Variants in NDUFAF7 observed in about 807,000 individuals in gnomAD.
NDUFAF7 encodes NADH:ubiquinone oxidoreductase complex assembly factor 7.
Under a neutral mutation model 47.2 loss-of-function variants are expected in NDUFAF7, and 48 were observed. The observed-to-expected ratio is 1.02, with a 90% confidence interval of 0.81 to 1.29. NDUFAF7 has a LOEUF of 1.29. NDUFAF7 is among the 50% of genes most tolerant of loss of function. NDUFAF7 has a pLI of 0.00. For missense variants in NDUFAF7, 635 were observed against 537.6 expected, an observed-to-expected ratio of 1.18 and a Z score of -1.79; for synonymous variants, 217 against 190.0, an observed-to-expected ratio of 1.14 and a Z score of -1.17.
intron 1 of NDUFAF7, 80 bp downstream of exon 1, chr2:37,231,840 C>A: frequency 6.2e-7 from 1 of 1,601,200 alleles, no homozygotes. Flanking sequence ...TTGAGGGTAC[C>A]GGGGGATCAA....
chr2:37,253,835 A>T (rs1558518205), downstream of NDUFAF7, among the ~76,000 whole-genome samples: 1 of 152,248 alleles, frequency 6.6e-6, no homozygotes, highest in Non-Finnish European at 1.5e-5. Flanking sequence ...TGATAAATCT[A>T]TAAAGTAACT....
At chr2:37,231,968 G>A in intron 1 of NDUFAF7, 138 bp from the exon 2 acceptor site, 1 of 1,599,666 alleles carries the variant, frequency 6.3e-7, no homozygotes. Context: ...CCCCGTGGGC[G>A]TGCTAAGCAC....
chr2:37,267,346 TAAAA>T, the NDUFAF7 span: 69 of 784,536 alleles, frequency 8.8e-5, no homozygotes, highest in Admixed American at 1.3e-4. Context: ...TTTGCCTTCT[TAAAA>T]AAAAAAAAAA....
chr2:37,269,374 CAAG>C, the NDUFAF7 span: 1 of 495,478 alleles, frequency 2.0e-6, no homozygotes. Context: ...GTGTGAGCTA[CAAG>C]AAGAGATAAA....
chr2:37,270,014 GGTT>G, the NDUFAF7 span, among the ~76,000 whole-genome samples: 1 of 152,138 alleles, frequency 6.6e-6, no homozygotes, highest in Non-Finnish European at 1.5e-5. Context: ...GATCACCTGA[GGTT>G]GTGTGTTCCA....
At chr2:37,237,635 C>A (rs1276958047) in intron 3 of NDUFAF7, 122 bp from the exon 4 acceptor site, 2 of 715,708 alleles carry the variant, frequency 2.8e-6, no homozygotes, top group Non-Finnish European at 4.9e-6. Flanking sequence ...GAACAACATA[C>A]ATATGGCTGT....
chr2:37,255,457 G>C (rs1163533204), downstream of NDUFAF7, among the ~76,000 whole-genome samples: 5 of 152,158 alleles, frequency 3.3e-5, no homozygotes, highest in Admixed American at 6.5e-5. Flanking sequence ...GCAGACTAAA[G>C]AGGGCCAGCC....
Position 37,246,436 on chromosome 2 carries a change from T to C in NDUFAF7, c.936+241T>C, listed in dbSNP as rs78730277. The stretch of plus-strand genomic sequence containing the variant: ...CATTCTTCCTTAGTTGTAGAACCTA[T>C]GTTTATATAAATCCAGATAAGCAGC... On this transcript the variant is annotated intron_variant, in intron 8 of 9. Transcript: ENST00000002125. Among the ~76,000 whole-genome samples the C allele has an allele frequency of 9.8e-3, 1,486 of 152,318 alleles. 24 individuals are homozygous for C. The highest frequency in any genetic ancestry group is 0.032 in the African/African-American group (1,341 of 41,562).
chr2:37,245,917 T>C (rs986423530), intron 7 of NDUFAF7, 135 bp from the exon 8 acceptor site: 24 of 974,436 alleles, frequency 2.5e-5, no homozygotes, highest in Non-Finnish European at 3.5e-5. Flanking sequence ...AAGTTGAGTG[T>C]AGAGAACATA....
chr2:37,254,817 T>C (rs2300894), downstream of NDUFAF7, among the ~76,000 whole-genome samples: 17,832 of 152,200 alleles, frequency 0.12, 1,456 homozygotes, highest in East Asian at 0.34. Context: ...TATGGTCACA[T>C]TGAGGTGGTA....
intron 2 of NDUFAF7, among the ~76,000 whole-genome samples, 191 bp from the exon 3 acceptor site, chr2:37,235,905 G>A (rs577806509): frequency 2.6e-5 from 4 of 152,012 alleles, no homozygotes; most frequent in South Asian, 2.1e-4. Context: ...TGATCCACCC[G>A]TCTCGGCCTC....
At chr2:37,241,979 G>A (rs1666398767) in intron 5 of NDUFAF7, 188 bp downstream of exon 5, 2 of 599,398 alleles carry the variant, frequency 3.3e-6, no homozygotes, top group African/African-American at 1.9e-5. Flanking sequence ...CTGACATTAA[G>A]TAGTAGTTTA....
chr2:37,256,888 T>C, downstream of NDUFAF7: 1 of 1,614,088 alleles, frequency 6.2e-7, no homozygotes, highest in Non-Finnish European at 8.5e-7. Context: ...TGAATGACTT[T>C]TCACCAATGA....
intron 4 of NDUFAF7, among the ~76,000 whole-genome samples, chr2:37,240,466 G>A (rs916268033): frequency 6.6e-6 from 1 of 151,028 alleles, no homozygotes; most frequent in African/African-American, 2.4e-5. Flanking sequence ...GATGCTTTAT[G>A]GTTTTTGCTT....
the NDUFAF7 span, chr2:37,268,477 C>G: frequency 2.6e-6 from 1 of 383,022 alleles, no homozygotes; most frequent in Non-Finnish European, 5.2e-6. Context: ...CAAAGAAGAT[C>G]CAGACATCTC....
chr2:37,262,222 G>A, the NDUFAF7 span, among the ~76,000 whole-genome samples: 1 of 152,100 alleles, frequency 6.6e-6, no homozygotes, highest in Admixed American at 6.5e-5. Context: ...CCTATGTGAG[G>A]CTGAGTTCCA....
At chr2:37,256,142 G>T (rs1157123440), downstream of NDUFAF7, among the ~76,000 whole-genome samples, 1 of 152,218 alleles carries the variant, frequency 6.6e-6, no homozygotes, top group Non-Finnish European at 1.5e-5. Flanking sequence ...TTAATAGGAA[G>T]GATTGTAGAC....
chr2:37,239,750 G>A (rs959444783), intron 4 of NDUFAF7, among the ~76,000 whole-genome samples: 4 of 152,006 alleles, frequency 2.6e-5, no homozygotes, highest in African/African-American at 7.3e-5. Context: ...GCAAGAGTTC[G>A]TATCATATGA....
intron 2 of NDUFAF7, among the ~76,000 whole-genome samples, chr2:37,234,895 G>A (rs1410228346): frequency 6.6e-6 from 1 of 152,212 alleles, no homozygotes; most frequent in South Asian, 2.1e-4. Flanking sequence ...TAATTCTGGA[G>A]TGAGACTGGG....
Sources: allele counts gnomAD v4.1 joint callset (sites outside exome capture counted in the v4.1 genomes callset), GRCh38; gene constraint gnomAD v4.1.1; transcripts MANE v1.5; gene names NCBI Gene and HGNC (gene_info 2026-07-23, HGNC 2026-07-21).